Variants in PRX observed in about 807,000 individuals in gnomAD.
The protein encoded by PRX is periaxin.
PRX carries 24 observed loss-of-function variants against 29.6 expected under a neutral mutation model. That is an observed-to-expected ratio of 0.81 (90% CI 0.59 to 1.14). PRX has a LOEUF of 1.14. PRX is among the 50% of genes most tolerant of loss of function. The pLI is 0.00. For missense variants in PRX, 1,838 were observed against 1,926.4 expected (o/e 0.95, Z 0.86); for synonymous variants, 772 against 831.7 (o/e 0.93, Z 1.24).
Position 40,397,386 on chromosome 19 carries a change from C to T in PRX, c.966G>A (p.Val322=). ...GTGCTGCCACATCCAGGGTGGGCACCACTACCGACACAGCCCCTTCCCGGG... is the reference window on the plus strand; with the variant it reads ...GTGCTGCCACATCCAGGGTGGGCACTACTACCGACACAGCCCCTTCCCGGG... ...LETREGAVSV[V]VPTLDVAAPT... is the part of the protein sequence containing the mutation. The change falls in exon 7 of 7, where the codon GTG becomes GTA. Residue 322 remains valine, a synonymous_variant. Coordinates refer to ENST00000324001, the MANE Select transcript of PRX (RefSeq NM_181882.3). 1 of 1,612,574 alleles carries T rather than the reference C, an allele frequency of 6.2e-7. No homozygotes were observed.
rs147353593 is a variant in PRX at position 40,396,585 on chromosome 19, C to T, written c.1767G>A (p.Lys589=). The part of the protein sequence containing the change: ...EMKVPEMKLP[K]VPEMKLPEMK... ...TCTCAGGAAGTTTCATCTCAGGCAC[C>T]TTTGGAAGCTTCATCTCAGGGACTT... Residue 589 remains lysine, a synonymous_variant, in exon 7 of 7, where the codon AAG becomes AAA. Transcript: ENST00000324001. 8 of 1,613,764 alleles carry T rather than the reference C, an allele frequency of 5.0e-6. No individual in the cohort carries two copies. The African/African-American group carries it at 9.4e-5, about 19-fold the overall frequency.
chr19:40,411,433 AG>A (rs1183729688), intron 1 of PRX, among the ~76,000 whole-genome samples: 1 of 152,116 alleles, frequency 6.6e-6, no homozygotes, highest in Non-Finnish European at 1.5e-5. Context: ...CAGAGTCCTG[AG>A]CTGGGGACAC....
At position 40,394,284 on chromosome 19, in the gene PRX, C is replaced by T; in HGVS notation, c.4068G>A (p.Glu1356=). The T allele has an allele frequency of 6.2e-7, 1 of 1,612,626 alleles. No individual in the cohort carries two copies. Among genetic ancestry groups the T allele is most frequent in the South Asian group, 1.1e-5 (1 of 91,008 alleles). ...CCCCACTGCCCTCTTCCTCCTCCTC[C>T]TCCTCCTCCTCGGGGCTGGGGGACC... The part of the protein sequence containing the change: ...GEGSPSPEEE[E]EEEEEGSGEG... Residue 1356 remains glutamate, a synonymous_variant, in exon 7 of 7, where the codon GAG becomes GAA. Coordinates refer to ENST00000324001, the MANE Select transcript of PRX (RefSeq NM_181882.3). The surrounding 1 kb of genome is among the most constrained non-coding windows in gnomAD (Gnocchi z 5.8).
rs765769524 is a variant in PRX at position 40,394,479 on chromosome 19, G to T, written c.3873C>A (p.Tyr1291Ter). 1.2e-6 allele frequency: 2 copies of T among 1,601,274 alleles called. No individual in the cohort carries two copies. ...CCTCTCCCTCCCCCTCTGCCACCTG[G>T]TACTCGGCATGGTTGCCCCCGGATG... The part of the protein sequence containing the change: ...LSPSGGNHAE[Y>*]QVAEGEGEAG... The change falls in exon 7 of 7, where the codon TAC becomes TAA. Residue 1291 changes from tyrosine (Y) to a stop codon, truncating the protein, a stop_gained. Coordinates refer to ENST00000324001, the MANE Select transcript of PRX (RefSeq NM_181882.3). LOFTEE classifies it high-confidence loss of function. The surrounding 1 kb of genome is among the most constrained non-coding windows in gnomAD (Gnocchi z 5.8).
intron 5 of PRX, among the ~76,000 whole-genome samples, chr19:40,402,822 G>A (rs1042732055): frequency 6.7e-6 from 1 of 149,544 alleles, no homozygotes; most frequent in Non-Finnish European, 1.5e-5. Flanking sequence ...CTCCATAAGT[G>A]CAGGGACTGT....
Position 40,393,779 on chromosome 19 carries a change from T to C in PRX, c.*187A>G. 1.2e-6 allele frequency: 1 copy of C among 839,440 alleles called. No homozygotes were observed. The highest frequency in any genetic ancestry group is 1.8e-6 in the Non-Finnish European group (1 of 544,236). 52.0% of individuals were successfully genotyped at this position (839,440 alleles called of 1,614,324 possible). Reference sequence around the variant, plus strand: ...GACAAATACATGGCTACTTCCAGATTATTTTATTCACATGGCTTGGTGGGG... The same window carrying C: ...GACAAATACATGGCTACTTCCAGATCATTTTATTCACATGGCTTGGTGGGG... On this transcript the variant is annotated 3_prime_UTR_variant, in exon 7 of 7. Transcript: ENST00000324001.
chr19:40,396,512 G>A lies in PRX; in HGVS notation c.1840C>T (p.Pro614Ser), dbSNP rs2145729871. ...QLPKVPEMAV[P>S]DVHLPEVQLP... The stretch of plus-strand genomic sequence containing the variant: ...TGCACTTCTGGGAGGTGCACATCGG[G>A]CACGGCCATCTCGGGCACCTTCGGG... Residue 614 changes from proline to serine, a missense_variant, in exon 7 of 7, where the codon CCC (proline) becomes TCC (serine). Physicochemically the swap from Pro to Ser is moderately conservative, Grantham distance 74 (BLOSUM62 -1). Coordinates refer to ENST00000324001, the MANE Select transcript of PRX (RefSeq NM_181882.3). 6.2e-7 allele frequency: 1 copy of A among 1,614,018 alleles called. No homozygotes were observed. The highest frequency in any genetic ancestry group is 2.2e-5 in the East Asian group (1 of 44,850).
In PRX at chr19:40,394,890, C is replaced by T. The variant is rs374969898; in HGVS notation, c.3462G>A (p.Gln1154=). ...RMPPLGISLP[Q]VELTGFGEAG... The stretch of plus-strand genomic sequence containing the variant: ...CCTCCCCAAAGCCGGTCAGCTCCAC[C>T]TGTGGCAGGGAGATGCCCAGCGGAG... Residue 1154 remains glutamine (Q), a synonymous_variant, in exon 7 of 7, where the codon CAG becomes CAA. Transcript: ENST00000324001. This position sits in a 1 kb window ranked among gnomAD's most constrained non-coding sequence, Gnocchi z 5.8. 6.2e-7 allele frequency: 1 copy of T among 1,611,290 alleles called. No homozygotes were observed. Among genetic ancestry groups the T allele is most frequent in the African/African-American group, 1.3e-5 (1 of 74,936 alleles).
chr19:40,413,621 G>C (rs1458016940), upstream of PRX, among the ~76,000 whole-genome samples: 1 of 152,176 alleles, frequency 6.6e-6, no homozygotes, highest in East Asian at 1.9e-4. Flanking sequence ...TTGCACGTTG[G>C]CTTCCTCGAC....
At position 40,395,766 on chromosome 19, in the gene PRX, T is replaced by C. The variant is rs1455969625; in HGVS notation, c.2586A>G (p.Pro862=). The change falls in exon 7 of 7, where the codon CCA becomes CCG. Residue 862 remains proline, a synonymous_variant. Coordinates refer to ENST00000324001, the MANE Select transcript of PRX (RefSeq NM_181882.3). The part of the protein sequence containing the change: ...LTLPSVELDL[P]GALGLQGQVP... The stretch of plus-strand genomic sequence containing the variant: ...CCTGCCCCTGCAGGCCAAGTGCTCC[T>C]GGCAGGTCTAGCTCCACTGAAGGCA... 5.0e-6 allele frequency: 8 copies of C among 1,613,912 alleles called. No homozygotes were observed. The South Asian group carries it at 7.7e-5, about 16-fold the overall frequency.
chr19:40,413,605 A>G (rs2079569344), upstream of PRX, among the ~76,000 whole-genome samples: 1 of 152,092 alleles, frequency 6.6e-6, no homozygotes, highest in Non-Finnish European at 1.5e-5. Flanking sequence ...GCTCAGCTTC[A>G]AGGATTTGCA....
intron 5 of PRX, among the ~76,000 whole-genome samples, chr19:40,402,968 G>A (rs546144100): frequency 6.6e-6 from 1 of 151,826 alleles, no homozygotes; most frequent in Non-Finnish European, 1.5e-5. Flanking sequence ...TCGGGAGTTC[G>A]ATACCAGCCT....
In PRX at chr19:40,397,258, A is replaced by G. The variant is rs2079448752; in HGVS notation, c.1094T>C (p.Phe365Ser). The G allele has an allele frequency of 1.2e-6, 2 of 1,613,692 alleles. No individual in the cohort carries two copies. The highest frequency in any genetic ancestry group is 1.7e-5 in the Admixed American group (1 of 60,016). ...AGCAACTTCCTTTGCTCGAGCCCCAAATCGGGGAAAACTAAGGCGGGGCAT... is the reference window on the plus strand; with the variant it reads ...AGCAACTTCCTTTGCTCGAGCCCCAGATCGGGGAAAACTAAGGCGGGGCAT... ...LKMPRLSFPRFGARAKEVAEA... is the reference protein window; with the variant it reads ...LKMPRLSFPRSGARAKEVAEA... The change falls in exon 7 of 7, where the codon TTT (phenylalanine) becomes TCT (serine). Residue 365 changes from phenylalanine (F) to serine (S), a missense_variant. By Grantham distance (155) the Phe-to-Ser change is radical. Transcript: ENST00000324001.
Position 40,403,817 on chromosome 19 carries a change from C to G in PRX, c.73G>C (p.Ala25Pro). ...TTGATGCCGCTGACCCCGGTCTGCG[C>G]CTCCGTCTCCACGATAATTTCCACC... ...ELVEIIVETE[A>P]QTGVSGINVA... Residue 25 changes from alanine to proline, a missense_variant, in exon 5 of 7, where the codon GCG becomes CCG. By Grantham distance (27) the Ala-to-Pro change is conservative. Transcript: ENST00000324001. The G allele has an allele frequency of 6.2e-7, 1 of 1,608,720 alleles. No homozygotes were observed.
rs201222650 is a variant in PRX, at chr19:40,394,109, C to T, written c.4243G>A (p.Val1415Met). Reference protein sequence around the residue: ...EKSPKFRFPRVSLSPKARSGS... With the variant: ...EKSPKFRFPRMSLSPKARSGS... ...CTCCGGGCCTTGGGGCTTAGGGACA[C>T]CCTGGGGAAGCGGAACTTGGGTGAC... The change falls in exon 7 of 7, where the codon GTG (valine) becomes ATG (methionine). Residue 1415 changes from valine to methionine, a missense_variant. Val to Met is a conservative substitution (Grantham distance 21, BLOSUM62 1). Around this residue, in one of 3 missense-constraint regions of PRX, gnomAD observed 1,143 missense variants for 1,193.0 expected, o/e 0.96. Transcript: ENST00000324001. This position sits in a 1 kb window ranked among gnomAD's most constrained non-coding sequence, Gnocchi z 5.8. 3.7e-6 allele frequency: 6 copies of T among 1,607,052 alleles called. No homozygotes were observed. The South Asian group carries it at 4.4e-5, about 12-fold the overall frequency.
Position 40,397,905 on chromosome 19 carries a change from A to G in PRX, c.447T>C (p.Ala149=), listed in dbSNP as rs1257780067. Reference sequence around the variant, plus strand: ...ACTCGACGTCAACAGGGGCCAGGTCAGCGGGGACCCCCAGAGCCCCAGGCA... The same window carrying G: ...ACTCGACGTCAACAGGGGCCAGGTCGGCGGGGACCCCCAGAGCCCCAGGCA... ...KMVPGALGVP[A]DLAPVDVEFS... is the part of the protein sequence containing the mutation. The change falls in exon 7 of 7, where the codon GCT becomes GCC. Residue 149 remains alanine, a synonymous_variant. Transcript: ENST00000324001. The G allele has an allele frequency of 6.2e-7, 1 of 1,612,672 alleles. No individual in the cohort carries two copies. The highest frequency in any genetic ancestry group is 8.5e-7 in the Non-Finnish European group (1 of 1,179,476).
At chr19:40,403,927 T>G in intron 4 of PRX, 65 bp from the exon 5 acceptor site, 1 of 1,562,300 alleles carries the variant, frequency 6.4e-7, no homozygotes, top group Admixed American at 1.8e-5. Flanking sequence ...AGCCCGCCAT[T>G]GCGCTCAACA....
Position 40,397,528 on chromosome 19 carries a change from A to T in PRX, c.824T>A (p.Leu275His). The T allele has an allele frequency of 6.5e-7, 1 of 1,544,320 alleles. No individual in the cohort carries two copies. Among genetic ancestry groups the T allele is most frequent in the Non-Finnish European group, 8.7e-7 (1 of 1,146,470 alleles). Residue 275 changes from leucine (L) to histidine (H), a missense_variant, in exon 7 of 7, where the codon CTC (leucine) becomes CAC (histidine). By Grantham distance (99) the Leu-to-His change is moderately conservative (BLOSUM62 -3). Transcript: ENST00000324001. Reference sequence around the variant, plus strand: ...CACAGCAGGCGGAGCCGGGGCTCCGAGCCCAAGGGTTGGCAGGTGGAGGGC... The same window carrying T: ...CACAGCAGGCGGAGCCGGGGCTCCGTGCCCAAGGGTTGGCAGGTGGAGGGC... ...GFALHLPTLG[L>H]GAPAPPAVEA...
rs756687548 is a variant in PRX, at chr19:40,394,243, C to T, written c.4109G>A (p.Arg1370His). Residue 1370 changes from arginine (R) to histidine (H), a missense_variant, in exon 7 of 7, where the codon CGC (arginine) becomes CAC (histidine). Arg to His is a conservative substitution (Grantham distance 29, BLOSUM62 0). Around this residue, in one of 3 missense-constraint regions of PRX, gnomAD observed 1,143 missense variants for 1,193.0 expected, o/e 0.96. Coordinates refer to ENST00000324001, the MANE Select transcript of PRX (RefSeq NM_181882.3). The surrounding 1 kb of genome is among the most constrained non-coding windows in gnomAD (Gnocchi z 5.8). The stretch of plus-strand genomic sequence containing the variant: ...CAAGCGGACCCGGACCCGGCCCCGG[C>T]GACCCGAGGCCCCTTCCCCACTGCC... ...EEGSGEGASGRRGRVRVRLPR... is the reference protein window; with the variant it reads ...EEGSGEGASGHRGRVRVRLPR... 35 of 1,605,376 alleles carry T rather than the reference C, an allele frequency of 2.2e-5. No homozygotes were observed. Among genetic ancestry groups the T allele is most frequent in the Middle Eastern group, 1.7e-4 (1 of 6,042 alleles).
Sources: gnomAD v4.1 joint callset for allele counts (sites outside exome capture counted in the v4.1 genomes callset) on GRCh38, gnomAD v4.1.1 for gene constraint, gnomAD v4.1.1 regional missense constraint, Gnocchi (gnomAD v3.1) non-coding constraint, MANE v1.5 for transcripts, NCBI Gene and HGNC (gene_info 2026-07-23, HGNC 2026-07-21) for gene names.